CACNA2D1: variants seen among roughly 807,000 people sequenced by gnomAD.
CACNA2D1 encodes the protein calcium voltage-gated channel auxiliary subunit alpha2delta 1, also known as voltage-dependent calcium channel subunit alpha-2/delta-1.
Under a neutral mutation model 171.5 loss-of-function variants are expected in CACNA2D1, and 53 were observed. The observed-to-expected ratio is 0.31, with a 90% CI of 0.25 to 0.39. The LOEUF is 0.39. Among genes scored for constraint, CACNA2D1 ranks in the 10% least tolerant of loss-of-function variants. The pLI, the probability that CACNA2D1 is intolerant of heterozygous loss-of-function variation, is 1.00. For missense variants in CACNA2D1, 903 were observed against 1,299.8 expected, an observed-to-expected ratio of 0.69 and a Z score of 4.69; for synonymous variants, 442 against 443.1, an observed-to-expected ratio of 1.00 and a Z score of 0.03.
intron 6 of CACNA2D1, among the ~76,000 whole-genome samples, chr7:82,104,694 G>A (rs1221180689): frequency 1.3e-5 from 2 of 151,886 alleles, no homozygotes; most frequent in Non-Finnish European, 2.9e-5. Context: ...ATCTTCAAAA[G>A]CAACCCACAA....
chr7:82,167,636 G>A (rs1346477867), intron 4 of CACNA2D1, among the ~76,000 whole-genome samples: 4 of 152,050 alleles, frequency 2.6e-5, no homozygotes, highest in Non-Finnish European at 4.4e-5. Context: ...GTTAGATATG[G>A]GAAATAGCAA....
chr7:82,040,094 G>A (rs963592403), intron 10 of CACNA2D1, among the ~76,000 whole-genome samples: 10 of 152,186 alleles, frequency 6.6e-5, no homozygotes, highest in Admixed American at 6.5e-4. Context: ...AGAAGGCTTT[G>A]CAGTAACCTA....
At chr7:81,978,705 G>C (rs973108373) in intron 24 of CACNA2D1, among the ~76,000 whole-genome samples, 1 of 149,868 alleles carries the variant, frequency 6.7e-6, no homozygotes, top group Non-Finnish European at 1.5e-5. Context: ...AAACCTGTAC[G>C]TCATGCACAT....
intron 10 of CACNA2D1, among the ~76,000 whole-genome samples, chr7:82,049,084 C>G (rs1804886652): frequency 6.9e-6 from 1 of 145,474 alleles, no homozygotes; most frequent in Non-Finnish European, 1.5e-5. Flanking sequence ...TATAAACTCT[C>G]TTTATATTTC....
chr7:82,180,173 G>T (rs146993453), intron 3 of CACNA2D1, among the ~76,000 whole-genome samples: 1 of 152,110 alleles, frequency 6.6e-6, no homozygotes, highest in Non-Finnish European at 1.5e-5. Context: ...TAGAGATAGT[G>T]TCTCCCTCCA....
chr7:81,971,952 TTA>T (rs1169024085), intron 25 of CACNA2D1, 88 bp from the exon 26 acceptor site: 1 of 813,960 alleles, frequency 1.2e-6, no homozygotes, highest in Admixed American at 1.8e-5. Flanking sequence ...CAAAAGCAAT[TTA>T]GAGTAGATAT....
chr7:82,292,669 C>G (rs1168216945), intron 3 of CACNA2D1, among the ~76,000 whole-genome samples: 2 of 152,004 alleles, frequency 1.3e-5, no homozygotes, highest in East Asian at 3.9e-4. Context: ...TGTCATTTAT[C>G]TTTCTCTCTG....
intron 21 of CACNA2D1, among the ~76,000 whole-genome samples, chr7:81,987,203 C>T (rs909801920): frequency 6.6e-6 from 1 of 152,154 alleles, no homozygotes; most frequent in Non-Finnish European, 1.5e-5. Flanking sequence ...TTATGTCCAT[C>T]TCAAGCCAAG....
Position 81,950,404 on chromosome 7 carries a change from G to T in CACNA2D1, c.3264C>A (p.His1088Gln). Residue 1088 changes from histidine to glutamine, a missense_variant, in exon 39 of 39, where the codon CAC becomes CAA. By Grantham distance (24) the His-to-Gln change is conservative. Around this residue, in one of 5 missense-constraint regions of CACNA2D1, gnomAD observed 38 missense variants for 29.2 expected, o/e 1.30. Transcript: ENST00000356860. ...LLLWLVSGST[H>Q]RLL The stretch of plus-strand genomic sequence containing the variant: ...GGTTTTTAGAAGGTCATAACAGGCG[G>T]TGTGTGCTGCCAGATACCAGCCAAA... The T allele has an allele frequency of 6.2e-7, 1 of 1,613,228 alleles. No individual in the cohort carries two copies. The highest frequency in any genetic ancestry group is 8.5e-7 in the Non-Finnish European group (1 of 1,179,534).
At position 81,999,751 on chromosome 7, in the gene CACNA2D1, A is replaced by C. The variant is rs112939114; in HGVS notation, c.1591-2501T>G. On this transcript the variant is annotated intron_variant, in intron 18 of 38. Coordinates refer to ENST00000356860, the MANE Select transcript of CACNA2D1 (RefSeq NM_000722.4). The stretch of plus-strand genomic sequence containing the variant: ...CTGCAAAAGTATAAGATAATACATA[A>C]AAAGAAACATGCAAGGACAGTAACA... Among the ~76,000 whole-genome samples the C allele has an allele frequency of 9.5e-3, 1,440 of 152,310 alleles. 21 individuals carry two copies. Among genetic ancestry groups the C allele is most frequent in the African/African-American group, 0.033 (1,371 of 41,568 alleles).
intron 6 of CACNA2D1, among the ~76,000 whole-genome samples, chr7:82,114,306 C>G (rs1274011251): frequency 6.6e-6 from 1 of 152,104 alleles, no homozygotes; most frequent in Non-Finnish European, 1.5e-5. Flanking sequence ...GTAAAGGAAG[C>G]AAAAGAGTAA....
chr7:81,990,778 T>C (rs958593021), intron 21 of CACNA2D1, among the ~76,000 whole-genome samples: 3 of 152,148 alleles, frequency 2.0e-5, no homozygotes, highest in African/African-American at 2.4e-5. Flanking sequence ...CTGATACTCA[T>C]GGAGGTAAAT....
At chr7:82,309,156 A>T (rs1383925385) in intron 3 of CACNA2D1, among the ~76,000 whole-genome samples, 2 of 152,200 alleles carry the variant, frequency 1.3e-5, no homozygotes, top group Non-Finnish European at 2.9e-5. Flanking sequence ...CTGTAATACC[A>T]GCACTTTGGG....
intron 1 of CACNA2D1, among the ~76,000 whole-genome samples, chr7:82,428,104 A>T (rs927545536): frequency 8.1e-5 from 8 of 99,128 alleles, no homozygotes; most frequent in African/African-American, 1.5e-4. Flanking sequence ...AATAAAAAAT[A>T]AATAAAAAAA....
rs869025369 is a variant in CACNA2D1, at chr7:82,117,131, G to A, written c.439C>T (p.Pro147Ser). Reference protein sequence around the residue: ...DSEPGSQRIKPVFIEDANFGR... With the variant: ...DSEPGSQRIKSVFIEDANFGR... Reference sequence around the variant, plus strand: ...AAATTAGCATCTTCAATGAAAACAGGTTTTATCCTCTGGCTGCCTGGCTCA... The same window carrying A: ...AAATTAGCATCTTCAATGAAAACAGATTTTATCCTCTGGCTGCCTGGCTCA... Residue 147 changes from proline to serine, a missense_variant, in exon 6 of 39, where the codon CCT (proline) becomes TCT (serine). Around this residue, in one of 5 missense-constraint regions of CACNA2D1, gnomAD observed 189 missense variants for 266.8 expected, o/e 0.71. Coordinates refer to ENST00000356860, the MANE Select transcript of CACNA2D1 (RefSeq NM_000722.4). The A allele has an allele frequency of 1.2e-6, 2 of 1,613,732 alleles. No individual in the cohort carries two copies. The highest frequency in any genetic ancestry group is 1.7e-6 in the Non-Finnish European group (2 of 1,179,846).
At chr7:82,325,086 A>C (rs1400792411) in intron 3 of CACNA2D1, among the ~76,000 whole-genome samples, 2 of 152,176 alleles carry the variant, frequency 1.3e-5, no homozygotes, top group East Asian at 1.9e-4. Context: ...AGGCATCTCC[A>C]CATGATTCTG....
At chr7:82,151,729 T>C (rs1793875973) in intron 4 of CACNA2D1, among the ~76,000 whole-genome samples, 1 of 152,132 alleles carries the variant, frequency 6.6e-6, no homozygotes, top group Non-Finnish European at 1.5e-5. Context: ...ATTCCAGATG[T>C]GTTATGGAAC....
intron 1 of CACNA2D1, among the ~76,000 whole-genome samples, chr7:82,369,322 C>G (rs2299183): frequency 0.023 from 3,491 of 151,514 alleles, 126 homozygotes; most frequent in East Asian, 0.093. Context: ...TTGCCACCCC[C>G]TTCTCTTTAC....
chr7:82,089,758 G>T (rs565503514), intron 6 of CACNA2D1, among the ~76,000 whole-genome samples: 1 of 152,126 alleles, frequency 6.6e-6, no homozygotes. Context: ...TTATGACAAG[G>T]AATACAGAAT....
Sources: gnomAD v4.1 joint callset for allele counts (sites outside exome capture counted in the v4.1 genomes callset) on GRCh38, gnomAD v4.1.1 for gene constraint, gnomAD v4.1.1 regional missense constraint, MANE v1.5 for transcripts, NCBI Gene and HGNC (gene_info 2026-07-23, HGNC 2026-07-21) for gene names.